The following ZNF83 variants were observed in gnomAD, a reference collection of about 807,000 sequenced individuals.
ZNF83 encodes zinc finger protein 816B.
For missense variants in ZNF83, 552 were observed against 629.9 expected, an observed-to-expected ratio of 0.88 and a Z score of 1.32; for synonymous variants, 209 against 213.0, an observed-to-expected ratio of 0.98 and a Z score of 0.17.
chr19:52,627,986 C>G (rs1472989695), intron 2 of ZNF83, among the ~76,000 whole-genome samples: 2 of 152,242 alleles, frequency 1.3e-5, no homozygotes, highest in Non-Finnish European at 2.9e-5. Flanking sequence ...AAAGCTCCCC[C>G]ACTGAGTACG....
rs1351548152 is a variant in ZNF83 at position 52,677,168 on chromosome 19, AC to A, written c.-283+13274del. 1.1e-4 allele frequency among the ~76,000 whole-genome samples: 17 copies of A among 151,896 alleles called. No homozygotes were observed. In the East Asian group the frequency reaches 2.3e-3, roughly 21 times the overall value. On this transcript the variant is annotated intron_variant, in intron 1 of 5. Transcript: ENST00000594682. ...AGAAAAAAAAATAAAGGAAGAAGAT[AC>A]AATCAAAAAAACAAAAACAAAAACA...
At chr19:52,661,103 T>A (rs776343761) in intron 1 of ZNF83, among the ~76,000 whole-genome samples, 3 of 151,996 alleles carry the variant, frequency 2.0e-5, no homozygotes, top group Non-Finnish European at 4.4e-5. Context: ...GACCTTGAGA[T>A]CTGCCCACCT....
chr19:52,648,097 T>C (rs191270812), intron 3 of ZNF83, among the ~76,000 whole-genome samples: 372 of 151,974 alleles, frequency 2.4e-3, no homozygotes, highest in Non-Finnish European at 4.1e-3. Context: ...CATCTCTCTG[T>C]ACATCTAGCT....
intron 3 of ZNF83, chr19:52,652,957 T>C: frequency 7.8e-7 from 1 of 1,274,200 alleles, no homozygotes; most frequent in Non-Finnish European, 1.1e-6. Flanking sequence ...ACTGAAGGTC[T>C]TGCCACACTC....
chr19:52,686,134 T>A (rs1324233113), intron 1 of ZNF83, among the ~76,000 whole-genome samples: 2 of 152,164 alleles, frequency 1.3e-5, no homozygotes, highest in Non-Finnish European at 2.9e-5. Context: ...ACTGACATCT[T>A]TACCAGGTAC....
At chr19:52,635,032 GAGAC>G (rs2061100041) in intron 2 of ZNF83, 30 bp downstream of exon 2, 2 of 733,758 alleles carry the variant, frequency 2.7e-6, no homozygotes, top group Non-Finnish European at 5.0e-6. Flanking sequence ...TGAAAGGAAA[GAGAC>G]AGAACAATCC....
At chr19:52,642,008 A>G (rs2061312681), upstream of ZNF83, among the ~76,000 whole-genome samples, 1 of 152,188 alleles carries the variant, frequency 6.6e-6, no homozygotes, top group Non-Finnish European at 1.5e-5. Flanking sequence ...TTCACTGAAT[A>G]CACAATTTAT....
chr19:52,663,601 T>TTTCCTTGA (rs1331280625), intron 1 of ZNF83, among the ~76,000 whole-genome samples: 1 of 152,140 alleles, frequency 6.6e-6, no homozygotes, highest in Non-Finnish European at 1.5e-5. Context: ...AAAGAAAAAA[T>TTTCCTTGA]TTCCTTGATA....
chr19:52,678,139 T>C (rs1425989659), intron 1 of ZNF83, among the ~76,000 whole-genome samples: 1 of 151,822 alleles, frequency 6.6e-6, no homozygotes, highest in Non-Finnish European at 1.5e-5. Flanking sequence ...ATGCGCTAAC[T>C]AAAATGGTTG....
At chr19:52,653,456 A>AAGCTTG (rs1349629974) in intron 3 of ZNF83, among the ~76,000 whole-genome samples, 1 of 152,174 alleles carries the variant, frequency 6.6e-6, no homozygotes, top group East Asian at 1.9e-4. Flanking sequence ...TTATGCCTAA[A>AAGCTTG]AGCTTTGTCA....
upstream of ZNF83, among the ~76,000 whole-genome samples, chr19:52,641,167 C>A (rs2061300242): frequency 6.6e-6 from 1 of 152,044 alleles, no homozygotes; most frequent in Non-Finnish European, 1.5e-5. Flanking sequence ...TTGCCCCGCC[C>A]CAGTCTTGTT....
chr19:52,653,209 T>C, intron 3 of ZNF83: 1 of 1,532,634 alleles, frequency 6.5e-7, no homozygotes. Flanking sequence ...ACTGAAGGTC[T>C]TGCCACACTC....
intron 1 of ZNF83, among the ~76,000 whole-genome samples, chr19:52,688,912 G>C (rs536524815): frequency 6.8e-6 from 1 of 147,280 alleles, no homozygotes; most frequent in African/African-American, 2.5e-5. Context: ...TAAATGAATG[G>C]GCTCCAGACA....
intron 1 of ZNF83, 25 bp from the exon 2 acceptor site, chr19:52,635,178 A>G (rs1357222109): frequency 1.7e-6 from 1 of 605,436 alleles, no homozygotes; most frequent in Non-Finnish European, 3.0e-6. Context: ...TATGTTGTTT[A>G]TTGCTCAGAA....
intron 2 of ZNF83, among the ~76,000 whole-genome samples, chr19:52,659,788 AAAC>A (rs2147275171): frequency 6.6e-6 from 1 of 152,346 alleles, no homozygotes; most frequent in South Asian, 2.1e-4. Context: ...GACCTATAAC[AAAC>A]AACATCATAA....
intron 1 of ZNF83, among the ~76,000 whole-genome samples, chr19:52,665,381 C>T (rs995629055): frequency 2.6e-5 from 4 of 151,842 alleles, no homozygotes; most frequent in African/African-American, 9.7e-5. Flanking sequence ...AGACCCTCTA[C>T]CCCAGAGTTC....
intron 3 of ZNF83, among the ~76,000 whole-genome samples, chr19:52,648,872 G>T (rs1283769663): frequency 3.9e-5 from 6 of 152,168 alleles, no homozygotes; most frequent in African/African-American, 1.4e-4. Flanking sequence ...CCCTGTTCTA[G>T]TCACACACCA....
At chr19:52,617,891 CTA>C (rs2060375984) in intron 2 of ZNF83, 1 of 152,494 alleles carries the variant, frequency 6.6e-6, no homozygotes, top group Non-Finnish European at 1.5e-5. Context: ...ATCCCCAGCC[CTA>C]TGTTTCTGTA....
chr19:52,652,252 A>G lies in ZNF83; in HGVS notation c.-74+3309T>C, dbSNP rs1427755322. ...AAGAGTTGAGAGCAACCAGGCCAAC[A>G]TGGTGAAACCCTGTCTCTACTAAAA... On this transcript the variant is annotated intron_variant, in intron 3 of 5. Transcript: ENST00000594682. 1.3e-5 allele frequency: 3 copies of G among 233,346 alleles called. No individual in the cohort carries two copies. The Admixed American group carries it at 1.6e-4, about 12-fold the overall frequency. The allele number at this position is 233,346 out of a possible 1,614,324, so 14.5% of individuals were successfully genotyped here. A position where few individuals can be genotyped will look rare whatever the true frequency, so the allele number is the denominator to read the frequency against.
Sources: gnomAD v4.1 joint callset for allele counts (sites outside exome capture counted in the v4.1 genomes callset) on GRCh38, gnomAD v4.1.1 for gene constraint, MANE v1.5 for transcripts, NCBI Gene and HGNC (gene_info 2026-07-23, HGNC 2026-07-21) for gene names.